The following NFIL3 variants were observed in gnomAD, a reference collection of about 807,000 sequenced individuals.
The protein encoded by NFIL3 is nuclear factor interleukin-3-regulated protein.
A neutral mutation model predicts 10.0 loss-of-function variants in NFIL3; 5 were observed. The ratio of observed to expected loss-of-function variants is 0.50; its 90% confidence interval spans 0.26 to 1.06. NFIL3 has a LOEUF of 1.06. Among genes scored for constraint, NFIL3 ranks in the 50% least tolerant of loss-of-function variants. NFIL3 has a pLI of 0.13. For synonymous variants in NFIL3, 202 were observed against 206.5 expected (o/e 0.98, Z 0.19); for missense variants, 436 against 547.6 (o/e 0.80, Z 2.03).
the NFIL3 span, among the ~76,000 whole-genome samples, chr9:91,429,900 C>T: frequency 6.6e-6 from 1 of 151,986 alleles, no homozygotes; most frequent in Non-Finnish European, 1.5e-5. Flanking sequence ...CACAGCCACT[C>T]AGGAACTCTG....
chr9:91,441,470 AT>A, the NFIL3 span, among the ~76,000 whole-genome samples: 1 of 152,026 alleles, frequency 6.6e-6, no homozygotes, highest in African/African-American at 2.4e-5. Context: ...AAGCCACTCT[AT>A]GTCTTTTGGT....
the NFIL3 span, among the ~76,000 whole-genome samples, chr9:91,477,507 C>T: frequency 2.0e-5 from 3 of 152,176 alleles, no homozygotes; most frequent in African/African-American, 4.8e-5. Flanking sequence ...AGGGACAGGT[C>T]ATAAGCCCCA....
the NFIL3 span, among the ~76,000 whole-genome samples, chr9:91,446,149 T>C: frequency 1.7e-4 from 26 of 152,142 alleles, no homozygotes; most frequent in Non-Finnish European, 3.5e-4. Flanking sequence ...TCTCCAATAA[T>C]GAAGAATGCA....
At chr9:91,422,665 A>G (rs573644449) in intron 1 of NFIL3, among the ~76,000 whole-genome samples, 8 of 152,226 alleles carry the variant, frequency 5.3e-5, no homozygotes, top group Non-Finnish European at 8.8e-5. Flanking sequence ...AATGACAATA[A>G]GGTGAGAAAA....
chr9:91,412,012 G>T (rs1404188694), intron 1 of NFIL3, among the ~76,000 whole-genome samples: 1 of 142,790 alleles, frequency 7.0e-6, no homozygotes, highest in African/African-American at 2.6e-5. Flanking sequence ...TGAGGCAGGA[G>T]AATTGCTTGA....
the NFIL3 span, among the ~76,000 whole-genome samples, chr9:91,437,538 A>G: frequency 2.0e-5 from 3 of 152,232 alleles, no homozygotes; most frequent in Non-Finnish European, 4.4e-5. Context: ...CTACTCATTT[A>G]GCAGGAATCA....
the NFIL3 span, among the ~76,000 whole-genome samples, chr9:91,460,271 CTTTT>C: frequency 2.4e-4 from 17 of 70,424 alleles, 2 homozygotes; most frequent in African/African-American, 1.2e-3. Flanking sequence ...GGGCTTGGTT[CTTTT>C]TTTTTTTTTT....
chr9:91,433,589 T>C, the NFIL3 span, among the ~76,000 whole-genome samples: 2 of 152,216 alleles, frequency 1.3e-5, no homozygotes, highest in East Asian at 1.9e-4. Context: ...AAAATGGACA[T>C]GATGCTAGAA....
At chr9:91,442,326 C>T in the NFIL3 span, among the ~76,000 whole-genome samples, 21,347 of 152,148 alleles carry the variant, frequency 0.14, 1,649 homozygotes, top group East Asian at 0.34. Flanking sequence ...AATGAGAATG[C>T]TGTTATACAT....
chr9:91,457,085 A>G, the NFIL3 span, among the ~76,000 whole-genome samples: 1 of 152,058 alleles, frequency 6.6e-6, no homozygotes, highest in Non-Finnish European at 1.5e-5. Context: ...TTATGTGTCT[A>G]TCTTGACACT....
the NFIL3 span, among the ~76,000 whole-genome samples, chr9:91,456,746 A>C: frequency 6.6e-6 from 1 of 152,194 alleles, no homozygotes; most frequent in East Asian, 1.9e-4. Context: ...TACTTTTTGC[A>C]TTATATCTAA....
the NFIL3 span, among the ~76,000 whole-genome samples, chr9:91,443,403 C>T: frequency 6.6e-6 from 1 of 152,238 alleles, no homozygotes; most frequent in African/African-American, 2.4e-5. Flanking sequence ...TGCCTCCTGC[C>T]ACCAATCATG....
the NFIL3 span, among the ~76,000 whole-genome samples, chr9:91,461,178 C>T: frequency 6.6e-6 from 1 of 152,184 alleles, no homozygotes; most frequent in African/African-American, 2.4e-5. Flanking sequence ...TAGAGCCAAC[C>T]AACCCCATCT....
the NFIL3 span, among the ~76,000 whole-genome samples, chr9:91,436,564 C>G: frequency 2.7e-5 from 4 of 148,686 alleles, no homozygotes; most frequent in African/African-American, 1.0e-4. Context: ...GGCGACAGAG[C>G]AAGACTCTGC....
chr9:91,468,551 A>C, the NFIL3 span, among the ~76,000 whole-genome samples: 1 of 151,710 alleles, frequency 6.6e-6, no homozygotes, highest in Non-Finnish European at 1.5e-5. Context: ...ATTAGATCCC[A>C]TTTATCTATT....
the NFIL3 span, among the ~76,000 whole-genome samples, chr9:91,474,174 A>G: frequency 3.3e-5 from 5 of 151,310 alleles, no homozygotes; most frequent in Non-Finnish European, 7.4e-5. Flanking sequence ...GGATTTTGTC[A>G]ATTGCTCTTT....
the NFIL3 span, among the ~76,000 whole-genome samples, chr9:91,467,319 T>A: frequency 4.4e-3 from 668 of 152,218 alleles, 7 homozygotes; most frequent in African/African-American, 0.015. Flanking sequence ...CAAACATACA[T>A]CTTTTCAGTT....
At chr9:91,445,340 T>C in the NFIL3 span, among the ~76,000 whole-genome samples, 1 of 152,186 alleles carries the variant, frequency 6.6e-6, no homozygotes, top group Admixed American at 6.5e-5. Flanking sequence ...GTGAGGCCAG[T>C]TGTTGCAGCA....
chr9:91,468,237 C>T, the NFIL3 span, among the ~76,000 whole-genome samples: 45 of 152,146 alleles, frequency 3.0e-4, no homozygotes, highest in African/African-American at 6.5e-4. Context: ...TTCTAACTGG[C>T]GTGAGATGGT....
Sources: allele counts gnomAD v4.1 joint callset (sites outside exome capture counted in the v4.1 genomes callset), GRCh38; gene constraint gnomAD v4.1.1; transcripts MANE v1.5; gene names NCBI Gene and HGNC (gene_info 2026-07-23, HGNC 2026-07-21).